PCDHGA4: variants seen among roughly 807,000 people sequenced by gnomAD.
PCDHGA4 encodes protocadherin gamma-A4.
PCDHGA4 carries 38 observed loss-of-function variants against 54.6 expected under a neutral mutation model. The observed-to-expected ratio is 0.70, with a 90% CI of 0.54 to 0.91. The LOEUF (loss-of-function observed/expected upper bound fraction) is 0.91, where lower values mean the gene tolerates loss of function less well. PCDHGA4 is among the 40% of genes least tolerant of loss of function. The pLI is 0.00. For missense variants in PCDHGA4, 1,298 were observed against 1,220.9 expected, an observed-to-expected ratio of 1.06 and a Z score of -0.94; for synonymous variants, 511 against 512.9, an observed-to-expected ratio of 1.00 and a Z score of 0.05.
chr5:141,459,613 C>A (rs1040874685), intron 1 of PCDHGA4, among the ~76,000 whole-genome samples: 1 of 152,188 alleles, frequency 6.6e-6, no homozygotes, highest in African/African-American at 2.4e-5. Context: ...ATATGCTTAA[C>A]TTTATAAGAA....
intron 1 of PCDHGA4, among the ~76,000 whole-genome samples, chr5:141,462,355 A>T (rs1592773702): frequency 6.6e-6 from 1 of 152,226 alleles, no homozygotes; most frequent in East Asian, 1.9e-4. Context: ...AAAAATATAC[A>T]TTGTATAGTT....
chr5:141,395,542 T>TTGTTTGTGTGTGTG (rs1267535064), intron 1 of PCDHGA4: 1 of 168,708 alleles, frequency 5.9e-6, no homozygotes, highest in African/African-American at 5.7e-5. Flanking sequence ...TTGCTATTGT[T>TTGTTTGTGTGTGTG]TGTGTGTGTG....
In PCDHGA4 at chr5:141,434,333, G is replaced by A. The variant is rs200059384; in HGVS notation, c.2515-60474G>A. On this transcript the variant is annotated intron_variant, in intron 1 of 3. Coordinates refer to ENST00000571252, the MANE Select transcript of PCDHGA4 (RefSeq NM_018917.4). The stretch of plus-strand genomic sequence containing the variant: ...TCTTCCTCTTGCTGCTTGTCTCTTT[G>A]TGTCGGGAACAGGCCCCCCAAAATC... Among the ~76,000 whole-genome samples, 23 of 152,220 alleles carry A rather than the reference G, an allele frequency of 1.5e-4. No individual in the cohort carries two copies. In the East Asian group the frequency reaches 4.3e-3, roughly 28 times the overall value.
intron 2 of PCDHGA4, among the ~76,000 whole-genome samples, chr5:141,499,573 A>AT (rs2099792803): frequency 1.3e-5 from 2 of 152,108 alleles, no homozygotes; most frequent in Non-Finnish European, 2.9e-5. Context: ...AGCTTCAACT[A>AT]ATGCCTTATC....
chr5:141,379,845 AC>A (rs1334954085), intron 1 of PCDHGA4, among the ~76,000 whole-genome samples: 3 of 138,852 alleles, frequency 2.2e-5, no homozygotes. Context: ...AAAAAAAACT[AC>A]CAAATTATTG....
At chr5:141,391,890 G>A (rs2092437971) in intron 1 of PCDHGA4, 1 of 152,182 alleles carries the variant, frequency 6.6e-6, no homozygotes, top group Non-Finnish European at 1.5e-5. Context: ...AAAGGGATGG[G>A]ATGGAGCTTT....
At chr5:141,381,530 T>C (rs1035264051) in intron 1 of PCDHGA4, among the ~76,000 whole-genome samples, 1 of 152,196 alleles carries the variant, frequency 6.6e-6, no homozygotes. Context: ...TTGAATTGCA[T>C]ACTAGGATGA....
At chr5:141,404,224 AAC>A (rs1416261372) in intron 1 of PCDHGA4, 1 of 1,613,704 alleles carries the variant, frequency 6.2e-7, no homozygotes, top group Non-Finnish European at 8.5e-7. Flanking sequence ...CGGTGACTGC[AAC>A]AGACAGAGGA....
intron 1 of PCDHGA4, among the ~76,000 whole-genome samples, chr5:141,483,084 C>CA (rs898059463): frequency 8.0e-5 from 12 of 150,326 alleles, no homozygotes; most frequent in Admixed American, 2.0e-4. Context: ...GACTCCATCT[C>CA]AAAAAAAAAG....
rs2099735810 is a variant in PCDHGA4 at position 141,491,979 on chromosome 5, G to A, written c.2515-2828G>A. On this transcript the variant is annotated intron_variant, in intron 1 of 3. Transcript: ENST00000571252. This position sits in a 1 kb window ranked among gnomAD's most constrained non-coding sequence, Gnocchi z 6.9. ...CAAAAAAGGCCGGGGCCTCCTTCGA[G>A]CTTCCGGTGAATTTCGGGCGATTTC... 6.4e-6 allele frequency: 5 copies of A among 787,296 alleles called. No homozygotes were observed. Among genetic ancestry groups the A allele is most frequent in the Non-Finnish European group, 9.4e-6 (5 of 533,208 alleles). 48.8% of individuals were successfully genotyped at this position (787,296 alleles called of 1,614,324 possible).
At position 141,431,363 on chromosome 5, in the gene PCDHGA4, C is replaced by T. The variant is rs765751691; in HGVS notation, c.2515-63444C>T. On this transcript the variant is annotated intron_variant, in intron 1 of 3. Transcript: ENST00000571252. The surrounding 1 kb of genome is among the most constrained non-coding windows in gnomAD (Gnocchi z 4.8). The stretch of plus-strand genomic sequence containing the variant: ...ATTGGTGCTGAAACGCGCCCTGGAC[C>T]GCGAAGAAAAGGCTGCTCACCACCT... 1 of 1,614,024 alleles carries T rather than the reference C, an allele frequency of 6.2e-7. No homozygotes were observed. The highest frequency in any genetic ancestry group is 2.2e-5 in the East Asian group (1 of 44,882).
intron 2 of PCDHGA4, among the ~76,000 whole-genome samples, chr5:141,503,977 CCTT>C (rs1012021012): frequency 1.3e-5 from 2 of 152,250 alleles, no homozygotes; most frequent in Admixed American, 1.3e-4. Flanking sequence ...GGTGCCAAAC[CCTT>C]CTTCTTACCT....
In PCDHGA4 at chr5:141,511,161, G is replaced by A; in HGVS notation, c.2877G>A (p.Lys959=). 1 of 1,614,176 alleles carries A rather than the reference G, an allele frequency of 6.2e-7. No individual in the cohort carries two copies. The highest frequency in any genetic ancestry group is 8.5e-7 in the Non-Finnish European group (1 of 1,180,010). ...GNGNKKKSGK[K]EKK ...GCAACAAGAAGAAGTCGGGCAAGAA[G>A]GAGAAGAAGTAACATGGAGGCCAGG... Residue 959 remains lysine, a synonymous_variant, in exon 4 of 4, where the codon AAG becomes AAA. Transcript: ENST00000571252.
chr5:141,498,254 G>A (rs550611179), intron 2 of PCDHGA4, among the ~76,000 whole-genome samples: 2 of 152,338 alleles, frequency 1.3e-5, no homozygotes, highest in East Asian at 3.9e-4. Context: ...AGCAGGGCTG[G>A]TGTTGAGTTC....
At position 141,356,456 on chromosome 5, in the gene PCDHGA4, AC is replaced by A; in HGVS notation, c.1350del (p.Asn450LysfsTer4). 6.2e-7 allele frequency: 1 copy of A among 1,613,458 alleles called. No individual in the cohort carries two copies. ...GACAGGGAAGAAGTCTCAGAATATA[AC>A]ATCACTGTAACTGCCACTGACCAGG... ...TLDREEVSEYNITVTATDQGT... is the reference protein window; with the variant it reads ...TLDREEVSEYXITVTATDQGT... On this transcript the variant is annotated frameshift_variant, in exon 1 of 4. Transcript: ENST00000571252. LOFTEE classifies it high-confidence loss of function.
chr5:141,470,037 G>A lies in PCDHGA4; in HGVS notation c.2515-24770G>A, dbSNP rs76537989. Among the ~76,000 whole-genome samples the A allele has an allele frequency of 2.3e-3, 347 of 152,258 alleles. 6 individuals are homozygous for A. The East Asian group carries it at 0.048, about 21-fold the overall frequency. On this transcript the variant is annotated intron_variant, in intron 1 of 3. Transcript: ENST00000571252. ...CCAGCTACTCGGGATGCTGAGGCGC[G>A]AGAACTGTTTGAACCCCGGAGGCAG...
intron 1 of PCDHGA4, among the ~76,000 whole-genome samples, chr5:141,438,579 CATACATACATACATATATATAT>C (rs1356926315): frequency 3.6e-5 from 2 of 55,782 alleles, no homozygotes; most frequent in Non-Finnish European, 6.0e-5. Context: ...GATATACATA[CATACATACATACATATATATAT>C]ATATATATAT....
chr5:141,386,487 A>G (rs1374608231), intron 1 of PCDHGA4, among the ~76,000 whole-genome samples: 1 of 149,584 alleles, frequency 6.7e-6, no homozygotes, highest in African/African-American at 2.5e-5. Context: ...GCCCACCTAG[A>G]TAATATAACA....
intron 1 of PCDHGA4, chr5:141,362,237 T>A (rs1381834832): frequency 1.2e-6 from 2 of 1,614,026 alleles, no homozygotes; most frequent in Non-Finnish European, 8.5e-7. Flanking sequence ...TTGATCTCAG[T>A]GCTCTTCTTC....
Sources: gnomAD v4.1 joint callset for allele counts (sites outside exome capture counted in the v4.1 genomes callset) on GRCh38, gnomAD v4.1.1 for gene constraint, Gnocchi (gnomAD v3.1) non-coding constraint, MANE v1.5 for transcripts, NCBI Gene and HGNC (gene_info 2026-07-23, HGNC 2026-07-21) for gene names.